Variants in KIF4A observed in about 807,000 individuals in gnomAD.
KIF4A encodes kinesin family member 4A.
In KIF4A, 7 loss-of-function variants were observed where a neutral mutation model predicts 105.9. That is an observed-to-expected ratio of 0.07 (90% CI 0.04 to 0.12). KIF4A has a LOEUF of 0.12. KIF4A is among the 10% of genes least tolerant of loss of function. KIF4A has a pLI of 1.00. For missense variants in KIF4A, 558 were observed against 929.2 expected (o/e 0.60, Z 5.19); for synonymous variants, 281 against 331.3 (o/e 0.85, Z 1.65).
intron 6 of KIF4A, 72 bp from the exon 7 acceptor site, chrX:70,302,232 G>C: frequency 2.7e-6 from 3 of 1,128,207 alleles, no homozygotes; most frequent in South Asian, 3.9e-5. Context: ...AGAGCTGACA[G>C]GTCAGCTTTG....
chrX:70,324,153 A>G, intron 7 of KIF4A, among the ~76,000 whole-genome samples: 1 of 112,137 alleles, frequency 8.9e-6, no homozygotes, highest in East Asian at 2.8e-4. Flanking sequence ...TAAGATGTAC[A>G]ATGAAAAGCA....
chrX:70,348,266 A>T (rs2086002334), intron 13 of KIF4A, among the ~76,000 whole-genome samples: 1 of 111,551 alleles, frequency 9.0e-6, no homozygotes, highest in Non-Finnish European at 1.9e-5. Context: ...CAACACAGTG[A>T]GACCTTGTCT....
chrX:70,302,539 C>T (rs2085808300), intron 7 of KIF4A, 141 bp downstream of exon 7: 1 of 559,043 alleles, frequency 1.8e-6, no homozygotes, highest in Non-Finnish European at 2.8e-6. Flanking sequence ...TCAGAAATAG[C>T]GAAAAATTGT....
chrX:70,349,403 C>CGCTCCCT (rs2086013362), intron 13 of KIF4A, among the ~76,000 whole-genome samples: 1 of 84,651 alleles, frequency 1.2e-5, no homozygotes, highest in Admixed American at 1.3e-4. Context: ...CGGGCAGAGA[C>CGCTCCCT]ACTCCCTACT....
intron 7 of KIF4A, among the ~76,000 whole-genome samples, chrX:70,328,276 G>T (rs1372702291): frequency 8.1e-5 from 9 of 111,343 alleles, no homozygotes; most frequent in Non-Finnish European, 1.7e-4. Context: ...AATGACTGGT[G>T]AGGACAGACA....
At chrX:70,400,100 C>T (rs1204615397) in intron 22 of KIF4A, among the ~76,000 whole-genome samples, 2 of 103,201 alleles carry the variant, frequency 1.9e-5, no homozygotes, top group Non-Finnish European at 4.0e-5. Flanking sequence ...TATACATGTG[C>T]CGTGCTGGTG....
intron 24 of KIF4A, 63 bp downstream of exon 24, chrX:70,404,097 T>TA (rs768235181): frequency 3.4e-4 from 379 of 1,099,001 alleles, no homozygotes; most frequent in Middle Eastern, 5.1e-4. Flanking sequence ...TTGTTAGTTT[T>TA]AAAAAAAAAG....
At chrX:70,391,757 C>G (rs777124551) in intron 20 of KIF4A, among the ~76,000 whole-genome samples, 16 of 110,998 alleles carry the variant, frequency 1.4e-4, no homozygotes, top group African/African-American at 2.3e-4. Context: ...TTTCTCAGTC[C>G]TCACCCTCCT....
At chrX:70,348,471 T>C (rs1003337121) in intron 13 of KIF4A, among the ~76,000 whole-genome samples, 1 of 111,440 alleles carries the variant, frequency 9.0e-6, no homozygotes, top group Admixed American at 9.5e-5. Context: ...AACAAAGGTC[T>C]CTGGCTTTCC....
intron 15 of KIF4A, among the ~76,000 whole-genome samples, chrX:70,373,777 CAT>C (rs1384130508): frequency 2.5e-5 from 2 of 79,977 alleles, no homozygotes; most frequent in African/African-American, 8.8e-5. Context: ...TATATATACA[CAT>C]ATATATACAT....
At position 70,389,554 on chromosome X, in the gene KIF4A, G is replaced by A. The variant is rs143651065; in HGVS notation, c.2232+2257G>A. Among the ~76,000 whole-genome samples the A allele has an allele frequency of 5.3e-3, 600 of 112,824 alleles. 26 individuals carry two copies. The East Asian group carries it at 0.094, about 18-fold the overall frequency. On this transcript the variant is annotated intron_variant, in intron 20 of 30. Transcript: ENST00000374403. Reference sequence around the variant, plus strand: ...CTGCACTCCACCTGGGTGATAGAGCGAGGCTTCGTCTCAAAAAAATATATA... The same window carrying A: ...CTGCACTCCACCTGGGTGATAGAGCAAGGCTTCGTCTCAAAAAAATATATA...
At chrX:70,352,724 ACTG>A in intron 14 of KIF4A, 68 bp downstream of exon 14, 1 of 717,694 alleles carries the variant, frequency 1.4e-6, no homozygotes, top group Admixed American at 2.6e-5. Context: ...TTATCACTCA[ACTG>A]AAAAAGAGAA....
intron 3 of KIF4A, among the ~76,000 whole-genome samples, chrX:70,296,057 T>C (rs1367548963): frequency 9.2e-6 from 1 of 108,207 alleles, no homozygotes; most frequent in Non-Finnish European, 1.9e-5. Flanking sequence ...GTTAACTATA[T>C]TGTGAACATC....
chrX:70,309,927 C>T (rs964790531), intron 7 of KIF4A, among the ~76,000 whole-genome samples: 2 of 111,982 alleles, frequency 1.8e-5, no homozygotes, highest in Admixed American at 9.5e-5. Flanking sequence ...CCTGTAGTCC[C>T]AGCTACTCTG....
chrX:70,318,155 G>A (rs369629927), intron 7 of KIF4A, among the ~76,000 whole-genome samples: 1 of 111,667 alleles, frequency 9.0e-6, no homozygotes, highest in Admixed American at 9.5e-5. Flanking sequence ...AGGGATTACC[G>A]GCATACACCA....
chrX:70,320,965 A>G (rs1339759984), intron 7 of KIF4A, among the ~76,000 whole-genome samples: 1 of 112,459 alleles, frequency 8.9e-6, no homozygotes, highest in Non-Finnish European at 1.9e-5. Context: ...AATATTGTGT[A>G]TCAATAAAAA....
intron 15 of KIF4A, among the ~76,000 whole-genome samples, chrX:70,364,150 A>G (rs1345095430): frequency 8.9e-6 from 1 of 112,148 alleles, no homozygotes; most frequent in African/African-American, 3.2e-5. Flanking sequence ...GCCCTTTGTC[A>G]GATGAGTAGG....
At chrX:70,358,534 T>C (rs2086061353) in intron 15 of KIF4A, among the ~76,000 whole-genome samples, 1 of 112,337 alleles carries the variant, frequency 8.9e-6, no homozygotes, top group Non-Finnish European at 1.9e-5. Context: ...TTCCTTCTTA[T>C]AGCCTTTTAT....
At chrX:70,296,287 G>A (rs1743244017) in intron 3 of KIF4A, among the ~76,000 whole-genome samples, 1 of 109,930 alleles carries the variant, frequency 9.1e-6, no homozygotes, top group Admixed American at 9.7e-5. Context: ...GTTTCACCAT[G>A]TTGCCCAGTC....
Sources: gnomAD v4.1 joint callset for allele counts (sites outside exome capture counted in the v4.1 genomes callset) on GRCh38, gnomAD v4.1.1 for gene constraint, MANE v1.5 for transcripts, NCBI Gene and HGNC (gene_info 2026-07-23, HGNC 2026-07-21) for gene names.